FAM170A: variants seen among roughly 807,000 people sequenced by gnomAD.
FAM170A encodes protein FAM170A.
A neutral mutation model predicts 36.6 loss-of-function variants in FAM170A; 28 were observed. The observed-to-expected ratio is 0.76, with a 90% CI of 0.57 to 1.05. The LOEUF is 1.05. Ranked by LOEUF, FAM170A falls within the 50% of genes least tolerant of loss-of-function variation. The pLI is 0.00. For synonymous variants in FAM170A, 156 were observed against 143.9 expected, an observed-to-expected ratio of 1.08 and a Z score of -0.60; for missense variants, 434 against 396.5, an observed-to-expected ratio of 1.09 and a Z score of -0.80.
chr5:119,630,937 T>C (rs1038074470), intron 1 of FAM170A, among the ~76,000 whole-genome samples: 5 of 152,174 alleles, frequency 3.3e-5, no homozygotes, highest in African/African-American at 1.2e-4. Flanking sequence ...ATTAAACACT[T>C]GTTTAGGGAT....
chr5:119,632,386 T>C (rs1756272316), intron 1 of FAM170A, among the ~76,000 whole-genome samples: 1 of 152,200 alleles, frequency 6.6e-6, no homozygotes, highest in South Asian at 2.1e-4. Flanking sequence ...AAATTACATA[T>C]TGCATAATTT....
At position 119,632,604 on chromosome 5, in the gene FAM170A, A is replaced by G. The variant is rs1308218069; in HGVS notation, c.71-144A>G. 6.1e-6 allele frequency: 4 copies of G among 652,328 alleles called. No individual in the cohort carries two copies. In the Admixed American group the frequency reaches 1.0e-4, roughly 16 times the overall value. 40.4% of individuals were successfully genotyped at this position (652,328 alleles called of 1,614,324 possible). On this transcript the variant is annotated intron_variant, in intron 1 of 4. Coordinates refer to ENST00000613773, the Ensembl canonical transcript of FAM170A. ...GTTGACTGTAATTAAATACTGGAGT[A>G]TCCACCAGAAGCCTGTCTCACAAAC...
chr5:119,633,442 A>G (rs1391889924), intron 2 of FAM170A, among the ~76,000 whole-genome samples: 1 of 152,042 alleles, frequency 6.6e-6, no homozygotes, highest in Non-Finnish European at 1.5e-5. Context: ...CAGATTAAGC[A>G]CTTTCATCGG....
At chr5:119,635,557 T>C (rs1039195798) in intron 4 of FAM170A, 143 bp from the exon 5 acceptor site, 1 of 156,190 alleles carries the variant, frequency 6.4e-6, no homozygotes, top group African/African-American at 2.4e-5. Flanking sequence ...ACCTTCATTT[T>C]GCTGCATTTG....
At chr5:119,633,061 C>A (rs1756289974) in intron 2 of FAM170A, among the ~76,000 whole-genome samples, 173 bp downstream of exon 2, 1 of 151,938 alleles carries the variant, frequency 6.6e-6, no homozygotes, top group Non-Finnish European at 1.5e-5. Context: ...TTCGGTGTGA[C>A]AGTCTTTGGG....
At chr5:119,635,443 G>T (rs910821235) in intron 4 of FAM170A, among the ~76,000 whole-genome samples, 1 of 152,198 alleles carries the variant, frequency 6.6e-6, no homozygotes, top group African/African-American at 2.4e-5. Flanking sequence ...CCTGAGCTGG[G>T]ATCCCACCTG....
At chr5:119,632,250 G>A (rs1461268518) in intron 1 of FAM170A, among the ~76,000 whole-genome samples, 17 of 152,160 alleles carry the variant, frequency 1.1e-4, no homozygotes, top group African/African-American at 4.8e-5. Context: ...GGACTGTTTT[G>A]TTCAGTATTC....
chr5:119,632,458 A>G (rs181631127), intron 1 of FAM170A, among the ~76,000 whole-genome samples: 3 of 151,608 alleles, frequency 2.0e-5, no homozygotes, highest in Admixed American at 2.0e-4. Flanking sequence ...TGTTTCTACA[A>G]TATACCCACA....
intron 1 of FAM170A, among the ~76,000 whole-genome samples, chr5:119,630,321 A>ATTTTTTTTTTT (rs10603530): frequency 8.4e-6 from 1 of 118,392 alleles, no homozygotes. Context: ...CGCCTGGCTA[A>ATTTTTTTTTTT]TTTTTTTTTT....
chr5:119,632,740 T>C lies in FAM170A; in HGVS notation c.71-8T>C. The C allele has an allele frequency of 6.3e-7, 1 of 1,578,508 alleles. No individual in the cohort carries two copies. On this transcript the variant is annotated splice_polypyrimidine_tract_variant and splice_region_variant and intron_variant, in intron 1 of 4. Coordinates refer to ENST00000613773, the Ensembl canonical transcript of FAM170A. Reference sequence around the variant, plus strand: ...ATCATATCTCTGTTCCCTTCATACCTTTCTCAGGAATGTCAAAGTCCCAAG... The same window carrying C: ...ATCATATCTCTGTTCCCTTCATACCCTTCTCAGGAATGTCAAAGTCCCAAG...
At chr5:119,629,897 C>G (rs2126970033) in intron 1 of FAM170A, 59 bp downstream of exon 1, 2 of 1,375,066 alleles carry the variant, frequency 1.5e-6, no homozygotes, top group East Asian at 4.6e-5. Flanking sequence ...GAGCCGCCTT[C>G]TTTTTCTTTT....
In FAM170A at chr5:119,631,745, T is replaced by A. The variant is rs114505058; in HGVS notation, c.71-1003T>A. Reference sequence around the variant, plus strand: ...TGTGTGTGGGGAGTGTGTGTGTGTGTCTCCTCAACTCTCACACAAACACAT... The same window carrying A: ...TGTGTGTGGGGAGTGTGTGTGTGTGACTCCTCAACTCTCACACAAACACAT... On this transcript the variant is annotated intron_variant, in intron 1 of 4. Coordinates refer to ENST00000613773, the Ensembl canonical transcript of FAM170A. 9.2e-3 allele frequency among the ~76,000 whole-genome samples: 1,400 copies of A among 152,134 alleles called. 26 individuals carry two copies. The highest frequency in any genetic ancestry group is 0.033 in the African/African-American group (1,355 of 41,462).
intron 3 of FAM170A, 56 bp downstream of exon 3, chr5:119,634,790 G>A: frequency 6.7e-7 from 1 of 1,483,704 alleles, no homozygotes; most frequent in East Asian, 2.3e-5. Flanking sequence ...CCCCGAGCCA[G>A]TACTGTCTCC....
intron 1 of FAM170A, 133 bp from the exon 2 acceptor site, chr5:119,632,615 G>A (rs893788663): frequency 1.3e-5 from 10 of 741,298 alleles, no homozygotes; most frequent in Non-Finnish European, 1.9e-5. Flanking sequence ...TCCACCAGAA[G>A]CCTGTCTCAC....
exon 3 of FAM170A, chr5:119,634,037 C>G (rs1756316240): frequency 6.2e-7 from 1 of 1,614,198 alleles, no homozygotes; most frequent in South Asian, 1.1e-5. Flanking sequence ...AGAGACTCCT[C>G]CCCGCTCACA....
At chr5:119,630,332 T>C (rs868003425) in intron 1 of FAM170A, among the ~76,000 whole-genome samples, 3 of 142,772 alleles carry the variant, frequency 2.1e-5, no homozygotes, top group Non-Finnish European at 4.6e-5. Context: ...TTTTTTTTTT[T>C]TTTTTTTTTT....
rs773289868 is a variant in FAM170A, at chr5:119,634,628, C to A, written c.880C>A (p.Pro294Thr). The change falls in exon 3 of 5, where the codon CCA (proline) becomes ACA (threonine). Residue 294 changes from proline (P) to threonine (T), a missense_variant. Physicochemically the swap from Pro to Thr is conservative, Grantham distance 38. Transcript: ENST00000613773. ...AAATGAGAAGGAGGAGGAAGAGAAA[C>A]CAGAAGCAAAGGAGGAGGAGGGGCA... 1.4e-5 allele frequency: 22 copies of A among 1,611,220 alleles called. No homozygotes were observed. The South Asian group carries it at 2.0e-4, about 15-fold the overall frequency.
At chr5:119,632,763 A>G in exon 2 of FAM170A, 1 of 1,603,576 alleles carries the variant, frequency 6.2e-7, no homozygotes, top group Non-Finnish European at 8.5e-7. Context: ...TCAAAGTCCC[A>G]AGAGGATGCC....
At chr5:119,635,005 T>G (rs745308065) in intron 3 of FAM170A, 23 bp from the exon 4 acceptor site, 1 of 1,614,014 alleles carries the variant, frequency 6.2e-7, no homozygotes. Context: ...GAAGTGTCTT[T>G]CTTTGGTTTG....
Sources: allele counts gnomAD v4.1 joint callset (sites outside exome capture counted in the v4.1 genomes callset), GRCh38; gene constraint gnomAD v4.1.1; transcripts MANE v1.5; gene names NCBI Gene and HGNC (gene_info 2026-07-23, HGNC 2026-07-21).